CYP4Z1: variants seen among roughly 807,000 people sequenced by gnomAD.
CYP4Z1 encodes the protein cytochrome P450 4Z1.
A neutral mutation model predicts 54.2 loss-of-function variants in CYP4Z1; 41 were observed. The ratio of observed to expected loss-of-function variants is 0.76; its 90% CI spans 0.59 to 0.98. The LOEUF is 0.98. CYP4Z1 is among the 50% of genes least tolerant of loss of function. The probability of loss-of-function intolerance (pLI) is 0.00; values close to 1 mark genes in which losing one functional copy is unlikely to be tolerated. For synonymous variants in CYP4Z1, 163 were observed against 206.2 expected (o/e 0.79, Z 1.79); for missense variants, 513 against 599.0 (o/e 0.86, Z 1.50).
At chr1:47,097,745 G>GTTT (rs1553156525) in intron 7 of CYP4Z1, among the ~76,000 whole-genome samples, 14 of 150,510 alleles carry the variant, frequency 9.3e-5, no homozygotes, top group East Asian at 7.8e-4. Context: ...CTCCAGCTTT[G>GTTT]GTTTGTTTGT....
At position 47,083,368 on chromosome 1, in the gene CYP4Z1, A is replaced by G. The variant is rs114573735; in HGVS notation, c.492+907A>G. Among the ~76,000 whole-genome samples, 953 of 152,372 alleles carry G rather than the reference A, an allele frequency of 6.3e-3. 11 individuals carry two copies. The highest frequency in any genetic ancestry group is 0.021 in the African/African-American group (860 of 41,592). On this transcript the variant is annotated intron_variant, in intron 4 of 11. Transcript: ENST00000334194. ...AAAACATATAAATATAGTGACTGCAAATACTTTTTAAGCACTTACTATGCA... is the reference window on the plus strand; with the variant it reads ...AAAACATATAAATATAGTGACTGCAGATACTTTTTAAGCACTTACTATGCA...
At chr1:47,066,614 C>T (rs1644452585), upstream of CYP4Z1, among the ~76,000 whole-genome samples, 2 of 152,132 alleles carry the variant, frequency 1.3e-5, no homozygotes, top group African/African-American at 4.8e-5. Context: ...GAGAAGGATG[C>T]CCACTTTCAC....
intron 9 of CYP4Z1, among the ~76,000 whole-genome samples, chr1:47,107,061 G>A (rs1461298022): frequency 6.6e-6 from 1 of 152,132 alleles, no homozygotes; most frequent in East Asian, 1.9e-4. Flanking sequence ...TTGCCCAATA[G>A]CAATTAAATA....
intron 9 of CYP4Z1, among the ~76,000 whole-genome samples, chr1:47,110,350 T>C (rs976364292): frequency 1.3e-5 from 2 of 148,916 alleles, no homozygotes; most frequent in Non-Finnish European, 3.0e-5. Context: ...GGCTGTAAGC[T>C]AGAGCAAGCA....
chr1:47,087,399 G>A (rs1206262492), intron 6 of CYP4Z1, among the ~76,000 whole-genome samples: 1 of 152,150 alleles, frequency 6.6e-6, no homozygotes, highest in Non-Finnish European at 1.5e-5. Context: ...TCTCCTTGAA[G>A]AGGTCCTTCA....
intron 2 of CYP4Z1, among the ~76,000 whole-genome samples, chr1:47,071,206 C>G (rs1306652209): frequency 6.6e-6 from 1 of 152,280 alleles, no homozygotes; most frequent in Non-Finnish European, 1.5e-5. Flanking sequence ...CAAGACCAGC[C>G]TGGCCAACAT....
the CYP4Z1 span, among the ~76,000 whole-genome samples, chr1:47,058,160 C>G: frequency 6.6e-6 from 1 of 152,082 alleles, no homozygotes; most frequent in Non-Finnish European, 1.5e-5. Context: ...TATTTTCTCT[C>G]TATGAAATAA....
chr1:47,116,292 A>G (rs1238710234), intron 10 of CYP4Z1, among the ~76,000 whole-genome samples: 2 of 152,202 alleles, frequency 1.3e-5, no homozygotes, highest in East Asian at 3.8e-4. Flanking sequence ...AAAGATAATA[A>G]TTTGATGCTT....
intron 6 of CYP4Z1, among the ~76,000 whole-genome samples, chr1:47,086,218 A>T (rs925143671): frequency 1.1e-4 from 17 of 152,260 alleles, no homozygotes; most frequent in Non-Finnish European, 2.4e-4. Context: ...CAGTAATGGG[A>T]TGGCTGGGTC....
At chr1:47,059,712 A>T in the CYP4Z1 span, among the ~76,000 whole-genome samples, 1 of 152,214 alleles carries the variant, frequency 6.6e-6, no homozygotes, top group Non-Finnish European at 1.5e-5. Context: ...GAAGAACCTG[A>T]TGAAAGAACA....
At chr1:47,117,197 GC>G (rs1333477868) in intron 11 of CYP4Z1, among the ~76,000 whole-genome samples, 3 of 152,074 alleles carry the variant, frequency 2.0e-5, no homozygotes, top group African/African-American at 7.2e-5. Flanking sequence ...TTGTTCTTAT[GC>G]CTAAGGCTTC....
intron 9 of CYP4Z1, among the ~76,000 whole-genome samples, chr1:47,112,913 T>C (rs1644803773): frequency 6.6e-6 from 1 of 151,828 alleles, no homozygotes; most frequent in Non-Finnish European, 1.5e-5. Context: ...CATGATAAAA[T>C]ATTACTTCAG....
rs548635182 is a variant in CYP4Z1, at chr1:47,089,041, A to G, written c.772+4063A>G. On this transcript the variant is annotated intron_variant, in intron 6 of 11. Coordinates refer to ENST00000334194, the MANE Select transcript of CYP4Z1 (RefSeq NM_178134.3). Reference sequence around the variant, plus strand: ...TTAATGTAATCACTAGAATATTTGGATTTCAACATGCCGTGTAACTATTTG... The same window carrying G: ...TTAATGTAATCACTAGAATATTTGGGTTTCAACATGCCGTGTAACTATTTG... 2.3e-4 allele frequency among the ~76,000 whole-genome samples: 35 copies of G among 149,874 alleles called. 1 individual carries two copies. The South Asian group carries it at 7.4e-3, about 31-fold the overall frequency.
At position 47,118,142 on chromosome 1, in the gene CYP4Z1, C is replaced by G. The variant is rs1459658429; in HGVS notation, c.*208C>G. ...ACCCACAAAAACACCTGAAAAAACT[C>G]AAGCTGACTTCCACTGCGAAGGGAA... is the stretch of plus-strand genomic sequence containing the variant. On this transcript the variant is annotated 3_prime_UTR_variant, in exon 12 of 12. Coordinates refer to ENST00000334194, the MANE Select transcript of CYP4Z1 (RefSeq NM_178134.3). 8.0e-6 allele frequency: 4 copies of G among 497,236 alleles called. No individual in the cohort carries two copies. The highest frequency in any genetic ancestry group is 1.4e-5 in the Non-Finnish European group (4 of 293,718). The allele number at this position is 497,236 out of a possible 1,614,324, so 30.8% of individuals were successfully genotyped here.
In CYP4Z1 at chr1:47,085,324, A is replaced by G. The variant is rs553925105; in HGVS notation, c.772+346A>G. ...GAAGACAGAGCAGGACATCTGAGCAAGTACTGAACATGAGTGGGTACTGCC... is the reference window on the plus strand; with the variant it reads ...GAAGACAGAGCAGGACATCTGAGCAGGTACTGAACATGAGTGGGTACTGCC... On this transcript the variant is annotated intron_variant, in intron 6 of 11. Coordinates refer to ENST00000334194, the MANE Select transcript of CYP4Z1 (RefSeq NM_178134.3). 5.4e-4 allele frequency among the ~76,000 whole-genome samples: 82 copies of G among 152,224 alleles called. 1 individual carries two copies. In the East Asian group the frequency reaches 8.9e-3, roughly 16 times the overall value.
chr1:47,059,747 A>T, the CYP4Z1 span, among the ~76,000 whole-genome samples: 1 of 152,218 alleles, frequency 6.6e-6, no homozygotes, highest in Admixed American at 6.5e-5. Context: ...TTTAGGTAGC[A>T]AAGAAGGCTG....
chr1:47,065,501 A>G (rs1644444901), upstream of CYP4Z1, among the ~76,000 whole-genome samples: 1 of 152,138 alleles, frequency 6.6e-6, no homozygotes, highest in South Asian at 2.1e-4. Flanking sequence ...TAGTGACACA[A>G]CCTATCAAAA....
Position 47,094,647 on chromosome 1 carries a change from T to A in CYP4Z1, c.854T>A (p.Leu285Gln). 6.2e-7 allele frequency: 1 copy of A among 1,611,352 alleles called. No homozygotes were observed. The highest frequency in any genetic ancestry group is 8.5e-7 in the Non-Finnish European group (1 of 1,179,052). ...DTTQKRRWDF[L>Q]DILLSAKSEN... ...ACTCAGAAAAGGCGCTGGGATTTTC[T>A]GGACATACTTTTGAGTGCCAAAGTA... Residue 285 changes from leucine (L) to glutamine (Q), a missense_variant, in exon 7 of 12, where the codon CTG becomes CAG. Transcript: ENST00000334194.
At chr1:47,087,893 T>A (rs1388391321) in intron 6 of CYP4Z1, among the ~76,000 whole-genome samples, 1 of 152,172 alleles carries the variant, frequency 6.6e-6, no homozygotes, top group African/African-American at 2.4e-5. Context: ...TATTGAGAGA[T>A]TTTAGCATGA....
Sources: allele counts gnomAD v4.1 joint callset (sites outside exome capture counted in the v4.1 genomes callset), GRCh38; gene constraint gnomAD v4.1.1; transcripts MANE v1.5; gene names NCBI Gene and HGNC (gene_info 2026-07-23, HGNC 2026-07-21).